The following KCNIP1 variants were observed in gnomAD, a reference collection of about 807,000 sequenced individuals.
KCNIP1 encodes potassium voltage-gated channel interacting protein 1, also known as A-type potassium channel modulatory protein KCNIP1.
A neutral mutation model predicts 33.0 loss-of-function variants in KCNIP1; 18 were observed. That is an observed-to-expected ratio of 0.55 (90% CI 0.38 to 0.81). KCNIP1 has a LOEUF of 0.81. KCNIP1 is among the 30% of genes least tolerant of loss of function. The probability of loss-of-function intolerance (pLI) is 0.00; values close to 1 mark genes in which losing one functional copy is unlikely to be tolerated. For missense variants in KCNIP1, 238 were observed against 271.6 expected (o/e 0.88, Z 0.87); for synonymous variants, 93 against 98.3 (o/e 0.95, Z 0.32).
At chr5:170,353,804 G>C in exon 1 of KCNIP1, 1 of 1,421,788 alleles carries the variant, frequency 7.0e-7, no homozygotes, top group Non-Finnish European at 9.8e-7. Context: ...CAGGCTCCAA[G>C]TTCCTGGGGT....
intron 1 of KCNIP1, among the ~76,000 whole-genome samples, chr5:170,608,158 A>G (rs886216014): frequency 1.3e-5 from 2 of 152,288 alleles, no homozygotes; most frequent in South Asian, 4.1e-4. Flanking sequence ...TCTCCTAGGA[A>G]CAAGGACACC....
intron 1 of KCNIP1, among the ~76,000 whole-genome samples, chr5:170,555,328 G>C (rs1335091527): frequency 6.6e-6 from 1 of 152,228 alleles, no homozygotes; most frequent in Non-Finnish European, 1.5e-5. Flanking sequence ...TGGGCACCAT[G>C]CCCTCCAAAA....
intron 1 of KCNIP1, among the ~76,000 whole-genome samples, chr5:170,555,572 T>C (rs1243848731): frequency 6.6e-6 from 1 of 152,196 alleles, no homozygotes; most frequent in Non-Finnish European, 1.5e-5. Flanking sequence ...CTTTACAGCA[T>C]TGTGGCTCAG....
At chr5:170,529,197 C>A (rs2042226) in intron 1 of KCNIP1, among the ~76,000 whole-genome samples, 1 of 152,026 alleles carries the variant, frequency 6.6e-6, no homozygotes, top group Non-Finnish European at 1.5e-5. Flanking sequence ...TCTGTCTCAG[C>A]TCTGCTCTCT....
chr5:170,505,902 A>G (rs571392585), intron 1 of KCNIP1, among the ~76,000 whole-genome samples: 4 of 152,310 alleles, frequency 2.6e-5, no homozygotes, highest in East Asian at 1.9e-4. Context: ...GCTGAGTTAC[A>G]TGTCCTGCTG....
intron 1 of KCNIP1, among the ~76,000 whole-genome samples, chr5:170,516,717 G>T (rs888857969): frequency 2.0e-5 from 3 of 152,234 alleles, no homozygotes; most frequent in African/African-American, 7.2e-5. Context: ...CTGAAGGCCA[G>T]TCCTAGCTTA....
intron 1 of KCNIP1, among the ~76,000 whole-genome samples, chr5:170,565,328 G>T (rs938346092): frequency 5.9e-5 from 9 of 152,138 alleles, no homozygotes; most frequent in Non-Finnish European, 1.0e-4. Flanking sequence ...AGTCACCATG[G>T]ATGTGACTTG....
chr5:170,641,854 G>A (rs1048517377), intron 1 of KCNIP1, among the ~76,000 whole-genome samples: 2 of 152,140 alleles, frequency 1.3e-5, no homozygotes, highest in Admixed American at 6.5e-5. Context: ...GGAGCTTCCC[G>A]GGACCTCGCT....
chr5:170,617,777 C>T (rs1759443695), intron 1 of KCNIP1, among the ~76,000 whole-genome samples: 1 of 152,176 alleles, frequency 6.6e-6, no homozygotes, highest in African/African-American at 2.4e-5. Context: ...TTTTTTATGA[C>T]CCACCTACAG....
At chr5:170,697,255 C>T (rs140163601) in intron 1 of KCNIP1, among the ~76,000 whole-genome samples, 1 of 152,288 alleles carries the variant, frequency 6.6e-6, no homozygotes, top group East Asian at 1.9e-4. Flanking sequence ...TCCCTTGCAG[C>T]ACTTCTCACA....
chr5:170,524,295 A>G (rs80276014), intron 1 of KCNIP1, among the ~76,000 whole-genome samples: 1,828 of 152,196 alleles, frequency 0.012, 37 homozygotes, highest in East Asian at 0.047. Flanking sequence ...ACCCAACCCT[A>G]TCAGATGCCA....
At chr5:170,699,896 A>G (rs1323858496) in intron 1 of KCNIP1, among the ~76,000 whole-genome samples, 1 of 152,200 alleles carries the variant, frequency 6.6e-6, no homozygotes, top group Non-Finnish European at 1.5e-5. Flanking sequence ...CCACAGAGCC[A>G]TCCTCCGTGA....
intron 1 of KCNIP1, among the ~76,000 whole-genome samples, chr5:170,518,591 A>G (rs1286951306): frequency 6.6e-6 from 1 of 152,240 alleles, no homozygotes; most frequent in Non-Finnish European, 1.5e-5. Flanking sequence ...TTCATCTTTG[A>G]AGATAACGCG....
At chr5:170,539,164 T>C in intron 1 of KCNIP1, among the ~76,000 whole-genome samples, 1 of 152,202 alleles carries the variant, frequency 6.6e-6, no homozygotes, top group East Asian at 1.9e-4. Flanking sequence ...ATTTCAGGAT[T>C]GCCTCATTGC....
chr5:170,634,570 G>A (rs1417074437), intron 1 of KCNIP1, among the ~76,000 whole-genome samples: 3 of 152,184 alleles, frequency 2.0e-5, no homozygotes, highest in African/African-American at 4.8e-5. Flanking sequence ...TCATTGGCAC[G>A]GAAATCCACA....
At chr5:170,490,491 G>A (rs554234554) in intron 1 of KCNIP1, among the ~76,000 whole-genome samples, 3 of 152,178 alleles carry the variant, frequency 2.0e-5, no homozygotes, top group Non-Finnish European at 2.9e-5. Flanking sequence ...CCATAAGAGT[G>A]CATATAAAAC....
At chr5:170,353,581 T>C in exon 1 of KCNIP1, 2 of 501,408 alleles carry the variant, frequency 4.0e-6, no homozygotes, top group Non-Finnish European at 7.2e-6. Flanking sequence ...TGGAGTACCT[T>C]GTGCCCCGGC....
At chr5:170,701,739 A>G (rs1208810259) in intron 1 of KCNIP1, among the ~76,000 whole-genome samples, 3 of 152,122 alleles carry the variant, frequency 2.0e-5, no homozygotes, top group African/African-American at 7.2e-5. Context: ...CCAGCGCTCT[A>G]TCTGCAGGGG....
chr5:170,678,967 C>T (rs1035054043), intron 1 of KCNIP1: 3 of 152,194 alleles, frequency 2.0e-5, no homozygotes, highest in Admixed American at 2.0e-4. Context: ...TTTAGTTCCG[C>T]ATATCTGGAT....
Sources: gnomAD v4.1 joint callset for allele counts (sites outside exome capture counted in the v4.1 genomes callset) on GRCh38, gnomAD v4.1.1 for gene constraint, MANE v1.5 for transcripts, NCBI Gene and HGNC (gene_info 2026-07-23, HGNC 2026-07-21) for gene names.